The following PMFBP1 variants were observed in gnomAD, a reference collection of about 807,000 sequenced individuals.
PMFBP1 encodes polyamine modulated factor 1 binding protein 1.
Under a neutral mutation model 137.8 loss-of-function variants are expected in PMFBP1, and 131 were observed. The observed-to-expected ratio is 0.95, with a 90% CI of 0.82 to 1.10. The LOEUF (loss-of-function observed/expected upper bound fraction) is 1.10, where lower values mean the gene tolerates loss of function less well. Ranked by LOEUF, PMFBP1 falls within the 50% of genes least tolerant of loss-of-function variation. The pLI, the probability that PMFBP1 is intolerant of heterozygous loss-of-function variation, is 0.00. For missense variants in PMFBP1, 1,199 were observed against 1,175.4 expected, an observed-to-expected ratio of 1.02 and a Z score of -0.29; for synonymous variants, 490 against 450.4, an observed-to-expected ratio of 1.09 and a Z score of -1.11.
intron 16 of PMFBP1, 83 bp from the exon 17 acceptor site, chr16:72,125,017 G>T: frequency 1.3e-6 from 2 of 1,528,088 alleles, no homozygotes; most frequent in Non-Finnish European, 1.8e-6. Flanking sequence ...GGTGCTTCCT[G>T]GGCCTTGGGA....
the PMFBP1 span, among the ~76,000 whole-genome samples, chr16:72,240,001 G>C: frequency 6.6e-6 from 1 of 152,024 alleles, no homozygotes; most frequent in Non-Finnish European, 1.5e-5. Context: ...GAGGGTTTAG[G>C]GGTTTCTTAC....
At chr16:72,123,676 G>A (rs897662799) in intron 17 of PMFBP1, 27 bp from the exon 18 acceptor site, 9 of 1,599,904 alleles carry the variant, frequency 5.6e-6, no homozygotes, top group South Asian at 1.1e-5. Flanking sequence ...AAACGAGACA[G>A]TCAGAGGTGG....
chr16:72,145,119 AC>A (rs1172586451), intron 5 of PMFBP1, among the ~76,000 whole-genome samples: 1 of 152,220 alleles, frequency 6.6e-6, no homozygotes, highest in African/African-American at 2.4e-5. Context: ...AAAATTGATC[AC>A]ATAATTGGAA....
downstream of PMFBP1, among the ~76,000 whole-genome samples, chr16:72,118,038 A>G (rs1463099958): frequency 6.6e-6 from 1 of 152,252 alleles, no homozygotes; most frequent in Non-Finnish European, 1.5e-5. Flanking sequence ...AGTGAAAGAT[A>G]ACTTTGGAAA....
intron 5 of PMFBP1, among the ~76,000 whole-genome samples, chr16:72,140,900 A>G (rs2042709727): frequency 6.8e-6 from 1 of 146,146 alleles, no homozygotes; most frequent in South Asian, 2.2e-4. Flanking sequence ...TTTGCATAAA[A>G]ATCACTTTTT....
upstream of PMFBP1, among the ~76,000 whole-genome samples, chr16:72,180,847 G>A (rs2043273806): frequency 6.6e-6 from 1 of 152,192 alleles, no homozygotes; most frequent in Admixed American, 6.5e-5. Flanking sequence ...CGTGGTCCCG[G>A]TAACCAGGAG....
At chr16:72,123,458 G>A in intron 18 of PMFBP1, 88 bp downstream of exon 18, 1 of 1,075,380 alleles carries the variant, frequency 9.3e-7, no homozygotes, top group Non-Finnish European at 1.4e-6. Context: ...GAGTGCAGGG[G>A]TGTGTGTGAC....
the PMFBP1 span, among the ~76,000 whole-genome samples, chr16:72,229,314 A>C: frequency 5.7e-4 from 87 of 152,330 alleles, 1 homozygote; most frequent in African/African-American, 2.0e-3. Flanking sequence ...TGTGATGAAC[A>C]TAAGTGTGCA....
At chr16:72,244,308 T>C in the PMFBP1 span, among the ~76,000 whole-genome samples, 4 of 152,036 alleles carry the variant, frequency 2.6e-5, no homozygotes, top group African/African-American at 7.2e-5. Context: ...AAAAGAGAGA[T>C]AATAAACAAA....
At chr16:72,198,150 T>C in the PMFBP1 span, among the ~76,000 whole-genome samples, 35 of 152,314 alleles carry the variant, frequency 2.3e-4, no homozygotes, top group Non-Finnish European at 8.8e-5. Flanking sequence ...TGAACTTGAA[T>C]GTACTGTAAT....
At chr16:72,208,705 A>G in the PMFBP1 span, among the ~76,000 whole-genome samples, 4 of 152,198 alleles carry the variant, frequency 2.6e-5, no homozygotes, top group Admixed American at 1.3e-4. Flanking sequence ...GCTTTTCAAC[A>G]TTGGTGCAGA....
At chr16:72,169,462 C>T (rs941122858) in intron 2 of PMFBP1, among the ~76,000 whole-genome samples, 1 of 152,090 alleles carries the variant, frequency 6.6e-6, no homozygotes, top group Non-Finnish European at 1.5e-5. Context: ...TTAATGGGTA[C>T]TTATACAAGG....
At chr16:72,149,691 C>T (rs904235371) in intron 5 of PMFBP1, among the ~76,000 whole-genome samples, 3 of 151,888 alleles carry the variant, frequency 2.0e-5, no homozygotes, top group Admixed American at 6.6e-5. Context: ...GGCATGGTGG[C>T]GCGTGACTGT....
the PMFBP1 span, among the ~76,000 whole-genome samples, chr16:72,234,756 A>AGCC: frequency 6.6e-6 from 1 of 152,152 alleles, no homozygotes; most frequent in Non-Finnish European, 1.5e-5. Flanking sequence ...ACCCACTGAC[A>AGCC]ACTTTGTTGT....
At chr16:72,150,551 G>A in intron 5 of PMFBP1, 57 bp downstream of exon 5, 1 of 1,547,854 alleles carries the variant, frequency 6.5e-7, no homozygotes, top group Non-Finnish European at 8.9e-7. Flanking sequence ...CTGTCTGAGG[G>A]GACCACCTGG....
chr16:72,237,513 C>T, the PMFBP1 span, among the ~76,000 whole-genome samples: 2 of 152,058 alleles, frequency 1.3e-5, no homozygotes, highest in Admixed American at 6.6e-5. Flanking sequence ...TTCTAATCCA[C>T]GACCATGGGA....
chr16:72,233,589 AG>A, the PMFBP1 span, among the ~76,000 whole-genome samples: 1 of 152,212 alleles, frequency 6.6e-6, no homozygotes, highest in African/African-American at 2.4e-5. Flanking sequence ...CACATGCCAC[AG>A]AATTCAACCC....
the PMFBP1 span, among the ~76,000 whole-genome samples, chr16:72,207,712 G>GTGTA: frequency 8.8e-6 from 1 of 113,680 alleles, no homozygotes; most frequent in Non-Finnish European, 2.2e-5. Flanking sequence ...AGTAGGGCAT[G>GTGTA]TGTGTGTGTG....
At chr16:72,213,022 A>G in the PMFBP1 span, among the ~76,000 whole-genome samples, 1 of 152,206 alleles carries the variant, frequency 6.6e-6, no homozygotes, top group Non-Finnish European at 1.5e-5. Flanking sequence ...GACTTAGAAC[A>G]TTTATCTTCA....
Sources: gnomAD v4.1 joint callset for allele counts (sites outside exome capture counted in the v4.1 genomes callset) on GRCh38, gnomAD v4.1.1 for gene constraint, MANE v1.5 for transcripts, NCBI Gene and HGNC (gene_info 2026-07-23, HGNC 2026-07-21) for gene names.